EXT1: variants seen among roughly 807,000 people sequenced by gnomAD.
EXT1 encodes the protein exostosin-1.
In EXT1, 20 loss-of-function variants were observed where a neutral mutation model predicts 82.5. The ratio of observed to expected loss-of-function variants is 0.24; its 90% CI spans 0.17 to 0.35. EXT1 has a LOEUF of 0.35. Ranked by LOEUF, EXT1 falls within the 10% of genes least tolerant of loss-of-function variation. The pLI is 1.00. For synonymous variants in EXT1, 348 were observed against 350.8 expected (o/e 0.99, Z 0.09); for missense variants, 757 against 936.5 (o/e 0.81, Z 2.50).
intron 1 of EXT1, among the ~76,000 whole-genome samples, chr8:117,979,584 C>G (rs1348595221): frequency 1.3e-5 from 2 of 151,714 alleles, no homozygotes; most frequent in Admixed American, 1.3e-4. Context: ...TCATGGTAGA[C>G]AGTTACAAAA....
chr8:117,832,207 G>A (rs532473769), intron 3 of EXT1, among the ~76,000 whole-genome samples: 9 of 152,182 alleles, frequency 5.9e-5, no homozygotes, highest in South Asian at 2.1e-4. Flanking sequence ...CTGTTTTATC[G>A]TAGCCACAAG....
chr8:118,003,479 G>A (rs1815714136), intron 1 of EXT1, among the ~76,000 whole-genome samples: 1 of 151,778 alleles, frequency 6.6e-6, no homozygotes. Context: ...AATGTTTATG[G>A]GAATCTGGAT....
Position 117,835,546 on chromosome 8 carries a change from G to A in EXT1, c.1062C>T (p.Ala354=), listed in dbSNP as rs1812175400. Reference sequence around the variant, plus strand: ...CATTGCTGAGCATCACAGGGACGCAGGCAGCCTGAGCAAAAAAGGGGACTT... The same window carrying A: ...CATTGCTGAGCATCACAGGGACGCAAGCAGCCTGAGCAAAAAAGGGGACTT... The part of the protein sequence containing the change: ...SFRFLEALQA[A]CVPVMLSNGW... Residue 354 remains alanine (A), a synonymous_variant, in exon 3 of 11, where the codon GCC becomes GCT. Transcript: ENST00000378204. The A allele has an allele frequency of 1.2e-6, 2 of 1,613,510 alleles. No homozygotes were observed. Among genetic ancestry groups the A allele is most frequent in the Non-Finnish European group, 1.7e-6 (2 of 1,179,422 alleles).
chr8:118,081,283 C>G (rs1817323428), intron 1 of EXT1, among the ~76,000 whole-genome samples: 1 of 152,132 alleles, frequency 6.6e-6, no homozygotes, highest in African/African-American at 2.4e-5. Flanking sequence ...ACACTGTTTT[C>G]CAGAAAAAGA....
chr8:117,970,299 T>C (rs551764260), intron 1 of EXT1, among the ~76,000 whole-genome samples: 1 of 151,424 alleles, frequency 6.6e-6, no homozygotes, highest in South Asian at 2.1e-4. Flanking sequence ...GGCTCAGGAA[T>C]CTACATTTTT....
At chr8:117,894,145 A>G (rs1813295154) in intron 1 of EXT1, among the ~76,000 whole-genome samples, 1 of 150,892 alleles carries the variant, frequency 6.6e-6, no homozygotes, top group East Asian at 2.0e-4. Flanking sequence ...TGTTTTTACT[A>G]CTCTAATCAC....
intron 1 of EXT1, among the ~76,000 whole-genome samples, chr8:117,855,845 T>C (rs755774591): frequency 1.3e-5 from 2 of 152,162 alleles, no homozygotes; most frequent in Admixed American, 6.5e-5. Flanking sequence ...ATTTTTTGTA[T>C]TTTTAGTAGA....
At chr8:117,954,521 A>G (rs1814552131) in intron 1 of EXT1, among the ~76,000 whole-genome samples, 1 of 152,180 alleles carries the variant, frequency 6.6e-6, no homozygotes, top group Admixed American at 6.5e-5. Context: ...CTCCCACTCT[A>G]TTCGTTGTTA....
intron 1 of EXT1, among the ~76,000 whole-genome samples, chr8:117,908,602 C>G (rs2129983712): frequency 6.6e-6 from 1 of 152,018 alleles, no homozygotes; most frequent in African/African-American, 2.4e-5. Flanking sequence ...TGCACTCCAG[C>G]CCGGGCAACA....
intron 1 of EXT1, among the ~76,000 whole-genome samples, chr8:117,909,592 T>C (rs548706506): frequency 3.9e-5 from 6 of 152,262 alleles, no homozygotes; most frequent in African/African-American, 1.4e-4. Flanking sequence ...AAGGGTTCCT[T>C]GAGAAGGAGG....
intron 1 of EXT1, among the ~76,000 whole-genome samples, chr8:117,876,450 A>T (rs1812970867): frequency 1.3e-5 from 2 of 152,230 alleles, no homozygotes. Flanking sequence ...GTAAGGATGG[A>T]TGCTTATAAA....
chr8:117,960,947 T>C (rs1814686626), intron 1 of EXT1, among the ~76,000 whole-genome samples: 1 of 152,152 alleles, frequency 6.6e-6, no homozygotes, highest in African/African-American at 2.4e-5. Flanking sequence ...ACACTTATCC[T>C]GGTGATTCTA....
chr8:118,059,511 T>C (rs1306059749), intron 1 of EXT1, among the ~76,000 whole-genome samples: 2 of 152,158 alleles, frequency 1.3e-5, no homozygotes, highest in East Asian at 1.9e-4. Flanking sequence ...AGCGGCCCTG[T>C]TGAGCAGCAA....
chr8:117,844,040 C>A (rs941639387), intron 1 of EXT1, among the ~76,000 whole-genome samples: 4 of 152,044 alleles, frequency 2.6e-5, no homozygotes, highest in Non-Finnish European at 4.4e-5. Flanking sequence ...CTACCAGGAG[C>A]TCAGTTTAAG....
chr8:117,995,814 C>T (rs895334072), intron 1 of EXT1, among the ~76,000 whole-genome samples: 9 of 152,152 alleles, frequency 5.9e-5, no homozygotes, highest in Non-Finnish European at 7.3e-5. Context: ...CATGCCTTCC[C>T]AACCACCTCC....
chr8:117,976,247 G>T lies in EXT1; in HGVS notation c.962+133838C>A, dbSNP rs560439631. On this transcript the variant is annotated intron_variant, in intron 1 of 10. Coordinates refer to ENST00000378204, the MANE Select transcript of EXT1 (RefSeq NM_000127.3). ...AAAAATACCACACAAATAGCCTACC[G>T]CCCAGCAATTCCTTTGAGGCTATAT... 2.0e-4 allele frequency among the ~76,000 whole-genome samples: 30 copies of T among 152,122 alleles called. 1 individual carries two copies. The South Asian group carries it at 6.2e-3, about 32-fold the overall frequency.
chr8:117,844,020 C>T (rs1812313523), intron 1 of EXT1, among the ~76,000 whole-genome samples: 1 of 152,094 alleles, frequency 6.6e-6, no homozygotes, highest in Non-Finnish European at 1.5e-5. Context: ...CAAAACTTCA[C>T]CCCAGATCAC....
chr8:118,016,695 C>A (rs1183834941), intron 1 of EXT1, among the ~76,000 whole-genome samples: 4 of 152,206 alleles, frequency 2.6e-5, no homozygotes, highest in Non-Finnish European at 5.9e-5. Flanking sequence ...GGAGCTAACC[C>A]CAGTCTCTAG....
intron 1 of EXT1, among the ~76,000 whole-genome samples, chr8:118,061,847 T>C (rs1563643846): frequency 6.6e-6 from 1 of 152,244 alleles, no homozygotes; most frequent in Non-Finnish European, 1.5e-5. Flanking sequence ...AAAGAGTATT[T>C]GGATTCTGTG....
Sources: allele counts gnomAD v4.1 joint callset (sites outside exome capture counted in the v4.1 genomes callset), GRCh38; gene constraint gnomAD v4.1.1; transcripts MANE v1.5; gene names NCBI Gene and HGNC (gene_info 2026-07-23, HGNC 2026-07-21).